Variants in GPC6 observed in about 807,000 individuals in gnomAD.
GPC6 encodes the protein glypican 6, also known as glypican-6.
Under a neutral mutation model 55.2 loss-of-function variants are expected in GPC6, and 14 were observed. The observed-to-expected ratio is 0.25, with a 90% CI of 0.17 to 0.40. The LOEUF is 0.40. Ranked by LOEUF, GPC6 falls within the 10% of genes least tolerant of loss-of-function variation. The pLI, the probability that GPC6 is intolerant of heterozygous loss-of-function variation, is 1.00. For synonymous variants in GPC6, 278 were observed against 259.6 expected (o/e 1.07, Z -0.68); for missense variants, 641 against 708.5 (o/e 0.90, Z 1.08).
intron 6 of GPC6, among the ~76,000 whole-genome samples, chr13:94,315,563 G>T (rs957996294): frequency 2.0e-5 from 3 of 152,160 alleles, no homozygotes; most frequent in Admixed American, 6.5e-5. Context: ...ACATTATCAA[G>T]CCATCAGGAA....
intron 2 of GPC6, among the ~76,000 whole-genome samples, chr13:93,549,000 C>T (rs554522652): frequency 6.6e-6 from 1 of 152,220 alleles, no homozygotes; most frequent in Non-Finnish European, 1.5e-5. Context: ...CAATTTCTGG[C>T]TCTCATTACA....
At chr13:94,082,900 C>A (rs1885150400) in intron 4 of GPC6, among the ~76,000 whole-genome samples, 1 of 152,164 alleles carries the variant, frequency 6.6e-6, no homozygotes, top group Admixed American at 6.5e-5. Flanking sequence ...GCCAGTCTGT[C>A]CACCCAGAAT....
At chr13:93,794,071 G>A (rs1039986564) in intron 2 of GPC6, among the ~76,000 whole-genome samples, 1 of 152,170 alleles carries the variant, frequency 6.6e-6, no homozygotes, top group African/African-American at 2.4e-5. Flanking sequence ...CAGGAGGCAA[G>A]AGGGATTTAG....
chr13:93,914,069 C>G (rs1239883541), intron 3 of GPC6, among the ~76,000 whole-genome samples: 1 of 152,102 alleles, frequency 6.6e-6, no homozygotes, highest in African/African-American at 2.4e-5. Flanking sequence ...CTCATAAGCT[C>G]CTTTTTTTTA....
At chr13:93,923,686 C>T (rs932687250) in intron 3 of GPC6, among the ~76,000 whole-genome samples, 34 of 152,208 alleles carry the variant, frequency 2.2e-4, no homozygotes, top group African/African-American at 3.4e-4. Flanking sequence ...AATATGTTTT[C>T]GCTATTCAGA....
intron 4 of GPC6, among the ~76,000 whole-genome samples, chr13:94,283,240 C>T (rs1439257541): frequency 2.0e-5 from 3 of 152,180 alleles, no homozygotes; most frequent in Non-Finnish European, 4.4e-5. Context: ...TAATTTTGTG[C>T]TAGACATTGT....
At chr13:93,389,822 G>A (rs997076429) in intron 1 of GPC6, among the ~76,000 whole-genome samples, 1 of 151,942 alleles carries the variant, frequency 6.6e-6, no homozygotes, top group Non-Finnish European at 1.5e-5. Flanking sequence ...AAATTGTTAA[G>A]CCCTCTAATT....
At chr13:94,027,687 T>TTTATCCTCTTTA in intron 3 of GPC6, 42 bp from the exon 4 acceptor site, 1 of 1,587,398 alleles carries the variant, frequency 6.3e-7, no homozygotes, top group South Asian at 1.1e-5. Flanking sequence ...CTCTTTATCC[T>TTTATCCTCTTTA]TCTTATTTTT....
At chr13:93,509,371 C>T (rs946487677) in intron 1 of GPC6, among the ~76,000 whole-genome samples, 1 of 152,150 alleles carries the variant, frequency 6.6e-6, no homozygotes, top group African/African-American at 2.4e-5. Flanking sequence ...AATTGGGCTG[C>T]CTTCCTCTCC....
At chr13:93,620,428 A>G (rs1394671345) in intron 2 of GPC6, among the ~76,000 whole-genome samples, 1 of 152,182 alleles carries the variant, frequency 6.6e-6, no homozygotes, top group African/African-American at 2.4e-5. Flanking sequence ...AAATCATATC[A>G]GTTCATTTCC....
intron 3 of GPC6, among the ~76,000 whole-genome samples, chr13:93,982,498 T>C (rs1035753516): frequency 6.6e-6 from 1 of 152,198 alleles, no homozygotes; most frequent in Non-Finnish European, 1.5e-5. Context: ...GTTTTAAAGA[T>C]ACCGACCCTA....
At chr13:93,346,809 C>A (rs1016370376) in intron 1 of GPC6, among the ~76,000 whole-genome samples, 5 of 152,098 alleles carry the variant, frequency 3.3e-5, no homozygotes, top group African/African-American at 1.2e-4. Context: ...TCAGGCATTG[C>A]TCTGTTGAAA....
intron 3 of GPC6, among the ~76,000 whole-genome samples, chr13:93,885,355 C>G (rs915046791): frequency 4.7e-5 from 7 of 149,746 alleles, no homozygotes; most frequent in Middle Eastern, 3.4e-3. Flanking sequence ...AAAAAGTTGT[C>G]AGGTCTGGAA....
intron 1 of GPC6, among the ~76,000 whole-genome samples, chr13:93,350,845 G>T (rs1418433747): frequency 1.3e-5 from 2 of 152,170 alleles, no homozygotes; most frequent in African/African-American, 4.8e-5. Context: ...CCTTAGGTTG[G>T]AAGGGTCTCA....
At chr13:94,130,690 C>T (rs901189088) in intron 4 of GPC6, among the ~76,000 whole-genome samples, 1 of 152,132 alleles carries the variant, frequency 6.6e-6, no homozygotes, top group African/African-American at 2.4e-5. Flanking sequence ...AAGTGCAAGA[C>T]TCTCTGACAG....
chr13:94,270,704 C>G (rs1891964339), intron 4 of GPC6, among the ~76,000 whole-genome samples: 1 of 152,160 alleles, frequency 6.6e-6, no homozygotes, highest in African/African-American at 2.4e-5. Flanking sequence ...AACAAAGTTA[C>G]TTTTCACTTT....
At chr13:93,999,408 T>A (rs1881701976) in intron 3 of GPC6, among the ~76,000 whole-genome samples, 1 of 152,192 alleles carries the variant, frequency 6.6e-6, no homozygotes, top group Admixed American at 6.5e-5. Flanking sequence ...ATGTGCCACA[T>A]TTTCTTTACC....
intron 2 of GPC6, among the ~76,000 whole-genome samples, chr13:93,565,900 T>C (rs111423881): frequency 0.041 from 5,956 of 144,806 alleles, 410 homozygotes; most frequent in African/African-American, 0.14. Flanking sequence ...CCAGCCTGGG[T>C]GACAGGGTGA....
intron 3 of GPC6, among the ~76,000 whole-genome samples, chr13:93,912,470 G>T (rs1040327535): frequency 1.3e-5 from 2 of 152,134 alleles, no homozygotes; most frequent in Non-Finnish European, 2.9e-5. Context: ...TCGGCCGGGT[G>T]CAGTGGCTCA....
Sources: allele counts gnomAD v4.1 joint callset (sites outside exome capture counted in the v4.1 genomes callset), GRCh38; gene constraint gnomAD v4.1.1; transcripts MANE v1.5; gene names NCBI Gene and HGNC (gene_info 2026-07-23, HGNC 2026-07-21).